CYP3A7: variants seen among roughly 807,000 people sequenced by gnomAD.
CYP3A7 encodes the protein cytochrome P450 family 3 subfamily A member 7, also known as cytochrome P450 3A7.
In CYP3A7, 45 loss-of-function variants were observed where a neutral mutation model predicts 55.2. That is an observed-to-expected ratio of 0.82 (90% confidence interval 0.64 to 1.05). The LOEUF is 1.05. Among genes scored for constraint, CYP3A7 ranks in the 50% least tolerant of loss-of-function variants. The pLI is 0.00. For missense variants in CYP3A7, 548 were observed against 605.3 expected (o/e 0.91, Z 0.99); for synonymous variants, 180 against 207.4 (o/e 0.87, Z 1.13).
At chr7:99,734,936 C>A (rs1249892838) in intron 1 of CYP3A7, 87 bp downstream of exon 1, 2 of 1,592,846 alleles carry the variant, frequency 1.3e-6, no homozygotes, top group Non-Finnish European at 1.7e-6. Context: ...ATCCTTTTTG[C>A]TATTCAAAAC....
At chr7:99,706,389 C>A (rs767980255) in intron 12 of CYP3A7, among the ~76,000 whole-genome samples, 2 of 152,228 alleles carry the variant, frequency 1.3e-5, no homozygotes, top group Non-Finnish European at 1.5e-5. Context: ...GCTGAGTCTC[C>A]TGTCTGAGCA....
chr7:99,708,791 A>T (rs1226513595), intron 11 of CYP3A7, among the ~76,000 whole-genome samples: 1 of 152,184 alleles, frequency 6.6e-6, no homozygotes, highest in Non-Finnish European at 1.5e-5. Flanking sequence ...GACACTTATG[A>T]CCCATAAGGA....
intron 10 of CYP3A7, 150 bp from the exon 11 acceptor site, chr7:99,709,411 T>A: frequency 7.7e-7 from 1 of 1,297,850 alleles, no homozygotes; most frequent in Non-Finnish European, 1.1e-6. Context: ...TTAATAACTG[T>A]CATGCCCTTT....
intron 9 of CYP3A7, 125 bp from the exon 10 acceptor site, chr7:99,711,017 T>C (rs550210634): frequency 6.7e-7 from 1 of 1,499,148 alleles, no homozygotes; most frequent in East Asian, 2.4e-5. Context: ...CAATTCAGAG[T>C]CTCACTGGGG....
chr7:99,714,817 T>G, intron 7 of CYP3A7, 135 bp from the exon 8 acceptor site: 1 of 1,460,378 alleles, frequency 6.8e-7, no homozygotes, highest in Non-Finnish European at 9.1e-7. Flanking sequence ...ATTCCTTCTA[T>G]GACTTTTGCC....
At chr7:99,716,634 C>T (rs1215562025) in intron 6 of CYP3A7, among the ~76,000 whole-genome samples, 2 of 152,288 alleles carry the variant, frequency 1.3e-5, no homozygotes, top group East Asian at 1.9e-4. Flanking sequence ...GTGTAGACAG[C>T]AAATAATAGG....
rs760112584 is a variant in CYP3A7 at position 99,709,265 on chromosome 7, A to G, written c.1027-4T>C. The stretch of plus-strand genomic sequence containing the variant: ...CAGTATCATAGGTGGGTGGTGCCTG[A>G]AAAGAAAGAAACAGATTTGGATAAA... On this transcript the variant is annotated splice_region_variant and splice_polypyrimidine_tract_variant and intron_variant, in intron 10 of 12. Coordinates refer to ENST00000336374, the MANE Select transcript of CYP3A7 (RefSeq NM_000765.5). 1.9e-6 allele frequency: 3 copies of G among 1,613,376 alleles called. No individual in the cohort carries two copies. The highest frequency in any genetic ancestry group is 2.2e-5 in the South Asian group (2 of 91,040).
Position 99,705,215 on chromosome 7 carries a change from A to G in CYP3A7, c.*285T>C. On this transcript the variant is annotated 3_prime_UTR_variant, in exon 13 of 13. Transcript: ENST00000336374. ...AATTATGTTATCAGAGCTCAGGAGG[A>G]GTTAATGGTGCTAACTGGGGGTGGT... 1 of 349,098 alleles carries G rather than the reference A, an allele frequency of 2.9e-6. No homozygotes were observed. Among genetic ancestry groups the G allele is most frequent in the Non-Finnish European group, 5.4e-6 (1 of 186,102 alleles). The allele number at this position is 349,098 out of a possible 1,614,324, so 21.6% of individuals were successfully genotyped here.
Position 99,714,625 on chromosome 7 carries a change from C to A in CYP3A7, c.728G>T (p.Arg243Ile), listed in dbSNP as rs755209370. ...TTTTGTTAGAAAACTTATAACTTTT[C>A]TTGGAAACACAGTGATATTTAATGC... ...LEALNITVFP[R>I]KVISFLTKSV... Residue 243 changes from arginine (R) to isoleucine (I), a missense_variant, in exon 8 of 13, where the codon AGA (arginine) becomes ATA (isoleucine). Physicochemically the swap from Arg to Ile is moderately conservative, Grantham distance 97 (BLOSUM62 -3). Coordinates refer to ENST00000336374, the MANE Select transcript of CYP3A7 (RefSeq NM_000765.5). 1 of 1,612,358 alleles carries A rather than the reference C, an allele frequency of 6.2e-7. No individual in the cohort carries two copies. The highest frequency in any genetic ancestry group is 1.1e-5 in the South Asian group (1 of 90,990).
At chr7:99,713,619 T>G in intron 8 of CYP3A7, 84 bp from the exon 9 acceptor site, 1 of 1,590,754 alleles carries the variant, frequency 6.3e-7, no homozygotes, top group Non-Finnish European at 8.6e-7. Context: ...TCAACCTCCC[T>G]TCTGAGAATA....
At chr7:99,706,087 G>C (rs1813511995) in intron 12 of CYP3A7, among the ~76,000 whole-genome samples, 1 of 152,126 alleles carries the variant, frequency 6.6e-6, no homozygotes, top group African/African-American at 2.4e-5. Flanking sequence ...CCCATCTAGT[G>C]TAAAGATGGG....
intron 7 of CYP3A7, 128 bp downstream of exon 7, chr7:99,715,630 A>G (rs143218600): frequency 7.9e-4 from 1,171 of 1,486,994 alleles, no homozygotes; most frequent in Non-Finnish European, 9.5e-4. Flanking sequence ...GGTCGTACAT[A>G]TCTTCAAATG....
chr7:99,734,626 C>CTT (rs559186958), intron 1 of CYP3A7, among the ~76,000 whole-genome samples: 8 of 140,940 alleles, frequency 5.7e-5, no homozygotes, highest in Admixed American at 1.4e-4. Context: ...TTTTTTTTCT[C>CTT]TTTTTTTTTT....
intron 2 of CYP3A7, among the ~76,000 whole-genome samples, chr7:99,729,386 G>A (rs903120423): frequency 3.3e-5 from 5 of 152,000 alleles, no homozygotes; most frequent in East Asian, 1.9e-4. Context: ...CCATAATCCC[G>A]CTTGAAGCAG....
intron 2 of CYP3A7, among the ~76,000 whole-genome samples, chr7:99,727,110 C>T (rs183874709): frequency 8.5e-5 from 13 of 152,286 alleles, no homozygotes; most frequent in Non-Finnish European, 1.8e-4. Context: ...GAAGACAGCT[C>T]TAGAGGCTGT....
In CYP3A7 at chr7:99,735,099, C is replaced by G; in HGVS notation, c.-6G>C. 6.2e-7 allele frequency: 1 copy of G among 1,613,874 alleles called. No individual in the cohort carries two copies. Among genetic ancestry groups the G allele is most frequent in the Non-Finnish European group, 8.5e-7 (1 of 1,179,846 alleles). ...AAGTTTGGGATGAGATCCATCACTA[C>G]TTTCCTTCCTTATCTCTCTCCTCTG... On this transcript the variant is annotated 5_prime_UTR_variant, in exon 1 of 13. Coordinates refer to ENST00000336374, the MANE Select transcript of CYP3A7 (RefSeq NM_000765.5).
rs536176895 is a variant in CYP3A7, at chr7:99,713,356, T to C, written c.865+113A>G. On this transcript the variant is annotated intron_variant, in intron 9 of 12. Transcript: ENST00000336374. ...ATTTTAACATCCAAACCTGTGTCATTCTGCTATGTGGCAGAAATTCTCATC... is the reference window on the plus strand; with the variant it reads ...ATTTTAACATCCAAACCTGTGTCATCCTGCTATGTGGCAGAAATTCTCATC... 6 of 1,507,654 alleles carry C rather than the reference T, an allele frequency of 4.0e-6. No homozygotes were observed. The African/African-American group carries it at 8.3e-5, about 21-fold the overall frequency. The allele number at this position is 1,507,654 out of a possible 1,614,324, so 93.4% of individuals were successfully genotyped here. A position where few individuals can be genotyped will look rare whatever the true frequency, so the allele number is the denominator to read the frequency against.
chr7:99,708,465 CCCTCCTTCTCT>C (rs1450279486), intron 11 of CYP3A7, among the ~76,000 whole-genome samples: 1 of 151,432 alleles, frequency 6.6e-6, no homozygotes, highest in South Asian at 2.1e-4. Context: ...CTTGTCTTAC[CCCTCCTTCTCT>C]CCTCCTTCTC....
At chr7:99,723,143 G>A (rs1232454679) in intron 2 of CYP3A7, among the ~76,000 whole-genome samples, 1 of 152,144 alleles carries the variant, frequency 6.6e-6, no homozygotes, top group Non-Finnish European at 1.5e-5. Flanking sequence ...ATGGGAAAGT[G>A]GTGGGTTTCA....
Sources: gnomAD v4.1 joint callset for allele counts (sites outside exome capture counted in the v4.1 genomes callset) on GRCh38, gnomAD v4.1.1 for gene constraint, MANE v1.5 for transcripts, NCBI Gene and HGNC (gene_info 2026-07-23, HGNC 2026-07-21) for gene names.